The following ME3 variants were observed in gnomAD, a reference collection of about 807,000 sequenced individuals.
ME3 encodes the protein NADP-dependent malic enzyme, mitochondrial.
Under a neutral mutation model 68.9 loss-of-function variants are expected in ME3, and 48 were observed. The ratio of observed to expected loss-of-function variants is 0.70; its 90% CI spans 0.55 to 0.89. The LOEUF is 0.89. Ranked by LOEUF, ME3 falls within the 40% of genes least tolerant of loss-of-function variation. The probability of loss-of-function intolerance (pLI) is 0.00; values close to 1 mark genes in which losing one functional copy is unlikely to be tolerated. For synonymous variants in ME3, 320 were observed against 318.8 expected (o/e 1.00, Z -0.04); for missense variants, 675 against 797.4 (o/e 0.85, Z 1.85).
At position 86,446,483 on chromosome 11, in the gene ME3, C is replaced by T. The variant is rs757030442; in HGVS notation, c.1385G>A (p.Arg462Gln). 30 of 1,614,184 alleles carry T rather than the reference C, an allele frequency of 1.9e-5. No individual in the cohort carries two copies. Among genetic ancestry groups the T allele is most frequent in the Middle Eastern group, 1.6e-4 (1 of 6,062 alleles). Residue 462 changes from arginine (R) to glutamine (Q), a missense_variant, in exon 13 of 15, where the codon CGA (arginine) becomes CAA (glutamine). Coordinates refer to ENST00000543262, the Ensembl canonical transcript of ME3. Reference sequence around the variant, plus strand: ...AGGACTTCCACTGGCAAAAATCCCTCGGCCCTGGAGGCAGGAAGAAAACCA... The same window carrying T: ...AGGACTTCCACTGGCAAAAATCCCTTGGCCCTGGAGGCAGGAAGAAAACCA...
intron 7 of ME3, among the ~76,000 whole-genome samples, chr11:86,475,844 A>G (rs1290426216): frequency 7.3e-6 from 1 of 137,588 alleles, no homozygotes; most frequent in African/African-American, 2.8e-5. Context: ...GGCATTCCTA[A>G]TATTCAGTAT....
chr11:86,494,926 ATCTT>A lies in ME3; in HGVS notation c.705+3033_705+3036del, dbSNP rs1365146935. Among the ~76,000 whole-genome samples the A allele has an allele frequency of 8.5e-5, 13 of 152,350 alleles. No homozygotes were observed. The East Asian group carries it at 1.7e-3, about 20-fold the overall frequency. On this transcript the variant is annotated intron_variant, in intron 6 of 14. Coordinates refer to ENST00000543262, the Ensembl canonical transcript of ME3. ...TTATGATTACACCTAGGTAATAACT[ATCTT>A]TATGTATAGGCATAGAAAAATTTTG...
chr11:86,606,201 A>G (rs368659869), intron 2 of ME3, among the ~76,000 whole-genome samples: 1 of 152,166 alleles, frequency 6.6e-6, no homozygotes, highest in African/African-American at 2.4e-5. Flanking sequence ...TGTGACAGCA[A>G]TTTTGTAAGT....
At chr11:86,489,890 G>T (rs1951898089) in intron 6 of ME3, among the ~76,000 whole-genome samples, 1 of 152,040 alleles carries the variant, frequency 6.6e-6, no homozygotes, top group Non-Finnish European at 1.5e-5. Flanking sequence ...CGAGAGGTAG[G>T]TCTCATCGTT....
intron 2 of ME3, among the ~76,000 whole-genome samples, chr11:86,611,846 A>G (rs566149784): frequency 2.0e-5 from 3 of 152,314 alleles, no homozygotes; most frequent in African/African-American, 7.2e-5. Context: ...TGCTGAGAGG[A>G]ACAAAGACAA....
At chr11:86,499,563 GT>G (rs746836617) in intron 5 of ME3, among the ~76,000 whole-genome samples, 11 of 152,204 alleles carry the variant, frequency 7.2e-5, no homozygotes, top group Non-Finnish European at 1.3e-4. Flanking sequence ...CCCTGGAAGA[GT>G]TTATGATCTG....
At chr11:86,481,041 T>TTTTAA (rs1359507299) in intron 7 of ME3, among the ~76,000 whole-genome samples, 11 of 152,232 alleles carry the variant, frequency 7.2e-5, no homozygotes, top group African/African-American at 2.2e-4. Context: ...TTAGTTTCTC[T>TTTTAA]TTTTATTTTA....
At chr11:86,552,141 T>C (rs964533486) in intron 4 of ME3, among the ~76,000 whole-genome samples, 2 of 152,200 alleles carry the variant, frequency 1.3e-5, no homozygotes, top group Admixed American at 1.3e-4. Flanking sequence ...CCAGGCCCTT[T>C]ACATTTGGAA....
At chr11:86,585,091 C>T (rs568314073) in intron 2 of ME3, among the ~76,000 whole-genome samples, 90 of 152,136 alleles carry the variant, frequency 5.9e-4, no homozygotes, top group Non-Finnish European at 1.1e-3. Context: ...ACACCACGTT[C>T]AAGGCTTGGA....
intron 2 of ME3, among the ~76,000 whole-genome samples, chr11:86,641,235 ACAG>A (rs1944656522): frequency 6.6e-6 from 1 of 152,194 alleles, no homozygotes; most frequent in Non-Finnish European, 1.5e-5. Context: ...AAAACAGAAA[ACAG>A]CAGCAAAATT....
chr11:86,586,237 T>C (rs976876039), intron 2 of ME3, among the ~76,000 whole-genome samples: 1 of 152,288 alleles, frequency 6.6e-6, no homozygotes, highest in East Asian at 1.9e-4. Context: ...GTGGGAATGA[T>C]TGCCTGTGGA....
At chr11:86,472,005 C>T (rs1252419617) in intron 7 of ME3, among the ~76,000 whole-genome samples, 1 of 152,010 alleles carries the variant, frequency 6.6e-6, no homozygotes, top group Admixed American at 6.6e-5. Context: ...AGCTCTGCAG[C>T]GGGGAGAGGC....
intron 4 of ME3, among the ~76,000 whole-genome samples, chr11:86,538,002 C>G (rs1376324255): frequency 1.3e-5 from 2 of 152,208 alleles, no homozygotes; most frequent in African/African-American, 4.8e-5. Context: ...TTTAACATGG[C>G]ACCTTGATGT....
At chr11:86,629,379 C>T (rs567384685) in intron 2 of ME3, among the ~76,000 whole-genome samples, 11 of 152,218 alleles carry the variant, frequency 7.2e-5, no homozygotes, top group Admixed American at 3.3e-4. Flanking sequence ...TTAAAAAACC[C>T]GTTCTTAAAA....
intron 7 of ME3, 113 bp from the exon 8 acceptor site, chr11:86,465,313 A>G (rs1275031673): frequency 1.3e-6 from 1 of 777,686 alleles, no homozygotes; most frequent in Non-Finnish European, 2.3e-6. Context: ...GGGAGGTGGC[A>G]TGGCTCCTTC....
chr11:86,548,240 G>A (rs1192499788), intron 4 of ME3, among the ~76,000 whole-genome samples: 1 of 152,210 alleles, frequency 6.6e-6, no homozygotes, highest in Non-Finnish European at 1.5e-5. Flanking sequence ...TTCCCTCAGT[G>A]ATTGAACTCT....
chr11:86,592,798 G>A (rs951134709), intron 2 of ME3, among the ~76,000 whole-genome samples: 15 of 152,146 alleles, frequency 9.9e-5, no homozygotes, highest in Non-Finnish European at 1.6e-4. Flanking sequence ...GAATATCCCA[G>A]GAACCCCCAA....
At chr11:86,576,815 G>A (rs1958143742) in intron 2 of ME3, among the ~76,000 whole-genome samples, 1 of 152,148 alleles carries the variant, frequency 6.6e-6, no homozygotes, top group South Asian at 2.1e-4. Flanking sequence ...ACCATCAAAA[G>A]CACTTGAAAG....
intron 2 of ME3, among the ~76,000 whole-genome samples, chr11:86,644,512 C>T (rs1396722081): frequency 2.6e-5 from 4 of 152,156 alleles, no homozygotes. Context: ...CATCACACTC[C>T]TATTAGACTG....
Sources: allele counts gnomAD v4.1 joint callset (sites outside exome capture counted in the v4.1 genomes callset), GRCh38; gene constraint gnomAD v4.1.1; transcripts MANE v1.5; gene names NCBI Gene and HGNC (gene_info 2026-07-23, HGNC 2026-07-21).